The following CACNB4 variants were observed in gnomAD, a reference collection of about 807,000 sequenced individuals.
The protein encoded by CACNB4 is calcium voltage-gated channel auxiliary subunit beta 4.
Under a neutral mutation model 71.2 loss-of-function variants are expected in CACNB4, and 32 were observed. The ratio of observed to expected loss-of-function variants is 0.45; its 90% CI spans 0.34 to 0.60. The LOEUF (loss-of-function observed/expected upper bound fraction) is 0.60, where lower values mean the gene tolerates loss of function less well. Ranked by LOEUF, CACNB4 falls within the 20% of genes least tolerant of loss-of-function variation. The probability of loss-of-function intolerance (pLI) is 0.01; values close to 1 mark genes in which losing one functional copy is unlikely to be tolerated. For missense variants in CACNB4, 464 were observed against 647.9 expected (o/e 0.72, Z 3.08); for synonymous variants, 231 against 236.9 (o/e 0.97, Z 0.23).
At chr2:152,061,755 T>G (rs1053620071) in intron 2 of CACNB4, among the ~76,000 whole-genome samples, 14 of 151,932 alleles carry the variant, frequency 9.2e-5, no homozygotes, top group Admixed American at 2.6e-4. Context: ...CTCACACCTG[T>G]AATCCCAGCA....
chr2:151,939,968 T>C (rs2099863831), intron 2 of CACNB4, among the ~76,000 whole-genome samples: 3 of 152,216 alleles, frequency 2.0e-5, no homozygotes, highest in African/African-American at 2.4e-5. Flanking sequence ...TAAAATTTTA[T>C]ATCCAAAAAT....
chr2:151,904,497 T>C (rs1211890340), intron 2 of CACNB4, among the ~76,000 whole-genome samples: 1 of 151,820 alleles, frequency 6.6e-6, no homozygotes, highest in African/African-American at 2.4e-5. Flanking sequence ...TAGTGAACCC[T>C]AACATACTCA....
At chr2:151,920,339 T>A (rs2099858684) in intron 2 of CACNB4, among the ~76,000 whole-genome samples, 3 of 106,458 alleles carry the variant, frequency 2.8e-5, no homozygotes, top group East Asian at 5.4e-4. Flanking sequence ...TTTTTTTTTT[T>A]GAGACAGGTT....
At chr2:152,059,741 C>T (rs1429123268) in intron 2 of CACNB4, among the ~76,000 whole-genome samples, 1 of 152,148 alleles carries the variant, frequency 6.6e-6, no homozygotes, top group Non-Finnish European at 1.5e-5. Flanking sequence ...TTGTGTTTTG[C>T]AATGTGAGGA....
intron 2 of CACNB4, among the ~76,000 whole-genome samples, chr2:152,030,322 A>G (rs956821875): frequency 1.3e-5 from 2 of 152,340 alleles, no homozygotes; most frequent in East Asian, 3.9e-4. Context: ...TTATGTTTAC[A>G]TTTTTTCATC....
chr2:152,083,079 A>G lies in CACNB4; in HGVS notation c.147+15251T>C, dbSNP rs572292812. On this transcript the variant is annotated intron_variant, in intron 2 of 13. Coordinates refer to ENST00000539935, the MANE Select transcript of CACNB4 (RefSeq NM_000726.5). Reference sequence around the variant, plus strand: ...TTCCCTTAGGAAACTGCCCTCCCCAATCTCAGCCACTGTGGGGCTGACCTC... The same window carrying G: ...TTCCCTTAGGAAACTGCCCTCCCCAGTCTCAGCCACTGTGGGGCTGACCTC... 1.0e-3 allele frequency among the ~76,000 whole-genome samples: 159 copies of G among 152,256 alleles called. 1 individual carries two copies. The highest frequency in any genetic ancestry group is 3.6e-3 in the African/African-American group (150 of 41,556).
At chr2:152,022,075 C>T (rs1219014495) in intron 2 of CACNB4, among the ~76,000 whole-genome samples, 1 of 152,184 alleles carries the variant, frequency 6.6e-6, no homozygotes, top group East Asian at 1.9e-4. Flanking sequence ...TGCACATGAG[C>T]TCATCAAGTA....
At chr2:151,994,298 T>C (rs1560116601) in intron 2 of CACNB4, among the ~76,000 whole-genome samples, 1 of 151,732 alleles carries the variant, frequency 6.6e-6, no homozygotes, top group Non-Finnish European at 1.5e-5. Flanking sequence ...GGCATGATCA[T>C]GCTTTACAAA....
At chr2:151,954,697 AAAGAG>A (rs1158468523) in intron 2 of CACNB4, among the ~76,000 whole-genome samples, 10 of 152,070 alleles carry the variant, frequency 6.6e-5, no homozygotes, top group Admixed American at 1.3e-4. Flanking sequence ...CTTGGAAATA[AAAGAG>A]AAGAAGTTGA....
At chr2:151,954,803 T>C (rs150205491) in intron 2 of CACNB4, among the ~76,000 whole-genome samples, 124 of 151,950 alleles carry the variant, frequency 8.2e-4, no homozygotes, top group African/African-American at 2.8e-3. Context: ...CAGACAAGAT[T>C]ATTTCTAAAT....
At chr2:152,076,789 T>C (rs1687056214) in intron 2 of CACNB4, among the ~76,000 whole-genome samples, 1 of 152,242 alleles carries the variant, frequency 6.6e-6, no homozygotes, top group Admixed American at 6.5e-5. Context: ...TATATGGCGT[T>C]CCTGATGCCT....
chr2:151,880,998 T>G, intron 3 of CACNB4, 76 bp from the exon 4 acceptor site: 1 of 1,383,240 alleles, frequency 7.2e-7, no homozygotes, highest in East Asian at 2.4e-5. Flanking sequence ...ACTCTGATAG[T>G]ACCAGGTAGT....
chr2:152,061,710 T>C (rs1686024781), intron 2 of CACNB4, among the ~76,000 whole-genome samples: 1 of 150,846 alleles, frequency 6.6e-6, no homozygotes, highest in Non-Finnish European at 1.5e-5. Context: ...TAAAGAATGA[T>C]CATGTAAATA....
At chr2:152,068,872 A>G (rs953309329) in intron 2 of CACNB4, among the ~76,000 whole-genome samples, 3 of 152,228 alleles carry the variant, frequency 2.0e-5, no homozygotes, top group Admixed American at 6.5e-5. Context: ...TGAGATGCAC[A>G]GTTGGTCCCT....
chr2:151,857,999 T>C (rs1178807670), intron 10 of CACNB4: 4 of 152,256 alleles, frequency 2.6e-5, no homozygotes, highest in Non-Finnish European at 4.4e-5. Flanking sequence ...GCCCAATGTT[T>C]GGATAATATG....
intron 2 of CACNB4, among the ~76,000 whole-genome samples, chr2:152,024,525 C>T (rs1159651571): frequency 6.6e-6 from 1 of 152,112 alleles, no homozygotes; most frequent in Non-Finnish European, 1.5e-5. Flanking sequence ...TATTGGATAG[C>T]CCTAAAAAAT....
intron 2 of CACNB4, among the ~76,000 whole-genome samples, chr2:151,884,892 G>A (rs2099848955): frequency 6.6e-6 from 1 of 152,174 alleles, no homozygotes; most frequent in Non-Finnish European, 1.5e-5. Flanking sequence ...TCATGCACAG[G>A]TTTTGAAAAA....
intron 10 of CACNB4, chr2:151,858,139 G>A (rs761509368): frequency 6.6e-6 from 1 of 152,108 alleles, no homozygotes; most frequent in East Asian, 1.9e-4. Context: ...TTCTCAGAGG[G>A]GTTCCAAATA....
In CACNB4 at chr2:151,855,798, G is replaced by A. The variant is rs376527331; in HGVS notation, c.869-423C>T. On this transcript the variant is annotated intron_variant, in intron 10 of 13. Coordinates refer to ENST00000539935, the MANE Select transcript of CACNB4 (RefSeq NM_000726.5). ...ATTACACTGAAATATTTCTATCAAC[G>A]AAGTATAAACTAATACTTTGTGGAC... Among the ~76,000 whole-genome samples the A allele has an allele frequency of 2.1e-4, 32 of 152,162 alleles. No individual in the cohort carries two copies. The East Asian group carries it at 3.9e-3, about 18-fold the overall frequency.
Sources: allele counts gnomAD v4.1 joint callset (sites outside exome capture counted in the v4.1 genomes callset), GRCh38; gene constraint gnomAD v4.1.1; transcripts MANE v1.5; gene names NCBI Gene and HGNC (gene_info 2026-07-23, HGNC 2026-07-21).